Variants in GNPAT observed in about 807,000 individuals in gnomAD.
GNPAT encodes dihydroxyacetone phosphate acyltransferase.
Under a neutral mutation model 78.4 loss-of-function variants are expected in GNPAT, and 30 were observed. That is an observed-to-expected ratio of 0.38 (90% CI 0.29 to 0.52). The LOEUF (loss-of-function observed/expected upper bound fraction) is 0.52. GNPAT is among the 20% of genes least tolerant of loss of function. The pLI is 0.84. For synonymous variants in GNPAT, 271 were observed against 281.1 expected (o/e 0.96, Z 0.36); for missense variants, 714 against 812.2 (o/e 0.88, Z 1.47).
At chr1:231,275,898 T>C (rs1164940423) in intron 14 of GNPAT, among the ~76,000 whole-genome samples, 1 of 152,186 alleles carries the variant, frequency 6.6e-6, no homozygotes, top group East Asian at 1.9e-4. Context: ...AGTGGTTGAA[T>C]TTAACAGTGA....
chr1:231,269,856 T>TA (rs1310824204), intron 9 of GNPAT: 1 of 152,238 alleles, frequency 6.6e-6, no homozygotes, highest in Non-Finnish European at 1.5e-5. Flanking sequence ...TTTCTTTTTT[T>TA]ATGCAGATTA....
chr1:231,244,851 A>G lies in GNPAT; in HGVS notation c.78+3395A>G, dbSNP rs149861171. 3.3e-5 allele frequency among the ~76,000 whole-genome samples: 5 copies of G among 152,354 alleles called. No homozygotes were observed. In the East Asian group the frequency reaches 7.7e-4, roughly 24 times the overall value. ...GAGGATGGGTAACCACTGGTGTGCC[A>G]TAATCCAGATGATGACTTCCTGTTA... On this transcript the variant is annotated intron_variant, in intron 1 of 15. Transcript: ENST00000366647.
chr1:231,274,743 TAACTC>T (rs1685663418), intron 12 of GNPAT, among the ~76,000 whole-genome samples: 1 of 152,164 alleles, frequency 6.6e-6, no homozygotes. Context: ...GTCCGTGAAA[TAACTC>T]ATTCAGCCTC....
At chr1:231,276,994 TG>T (rs994620603) in intron 15 of GNPAT, among the ~76,000 whole-genome samples, 2 of 152,052 alleles carry the variant, frequency 1.3e-5, no homozygotes, top group Non-Finnish European at 2.9e-5. Flanking sequence ...AAGACCAGAA[TG>T]GGGCATACGG....
intron 4 of GNPAT, among the ~76,000 whole-genome samples, chr1:231,264,292 A>G (rs1164214824): frequency 6.6e-6 from 1 of 152,240 alleles, no homozygotes; most frequent in Non-Finnish European, 1.5e-5. Flanking sequence ...TTAAGGGTCC[A>G]ACTTCATGTC....
At chr1:231,270,305 G>GGTGTGTGTGCATGT (rs1471489872) in intron 9 of GNPAT, among the ~76,000 whole-genome samples, 1 of 152,034 alleles carries the variant, frequency 6.6e-6, no homozygotes, top group Non-Finnish European at 1.5e-5. Context: ...CTAAGCAAGG[G>GGTGTGTGTGCATGT]GTGTGTGTGC....
chr1:231,266,255 C>G (rs1685382779), intron 7 of GNPAT, 22 bp from the exon 8 acceptor site: 9 of 1,613,810 alleles, frequency 5.6e-6, no homozygotes, highest in African/African-American at 1.3e-5. Context: ...GTTTTCTTCC[C>G]CCCCTGTTAT....
intron 11 of GNPAT, among the ~76,000 whole-genome samples, chr1:231,273,044 ACC>A (rs1685610990): frequency 2.0e-5 from 3 of 152,136 alleles, no homozygotes; most frequent in Admixed American, 2.0e-4. Context: ...AGAATGAGTC[ACC>A]CAGGCAAGTG....
At chr1:231,270,203 GA>G in intron 9 of GNPAT, 1 of 162,578 alleles carries the variant, frequency 6.2e-6, no homozygotes, top group Non-Finnish European at 1.4e-5. Flanking sequence ...TATGTCAGGT[GA>G]TAAGCTACCA....
At chr1:231,243,612 C>G (rs1276871325) in intron 1 of GNPAT, among the ~76,000 whole-genome samples, 6 of 152,262 alleles carry the variant, frequency 3.9e-5, no homozygotes, top group Admixed American at 3.9e-4. Context: ...GCCACTGTGC[C>G]TGGCATGAGC....
At chr1:231,276,287 A>T (rs1685713023) in intron 15 of GNPAT, 91 bp downstream of exon 15, 2 of 721,026 alleles carry the variant, frequency 2.8e-6, no homozygotes, top group African/African-American at 1.8e-5. Context: ...CTTTATCAAA[A>T]TGATCAGTAA....
At chr1:231,256,479 CTTTTTTT>C (rs10693276) in intron 2 of GNPAT, among the ~76,000 whole-genome samples, 19 of 75,920 alleles carry the variant, frequency 2.5e-4, no homozygotes, top group East Asian at 1.8e-3. Context: ...CTAATTTTCT[CTTTTTTT>C]TTTTTTTTTT....
rs375611364 is a variant in GNPAT at position 231,266,383 on chromosome 1, G to A, written c.1031G>A (p.Arg344Gln). 175 of 1,613,730 alleles carry A rather than the reference G, an allele frequency of 1.1e-4. No individual in the cohort carries two copies. Among genetic ancestry groups the A allele is most frequent in the South Asian group, 8.8e-4 (80 of 91,068 alleles). The change falls in exon 8 of 16, where the codon CGG becomes CAG. Residue 344 changes from arginine (R) to glutamine (Q), a missense_variant. Coordinates refer to ENST00000366647, the MANE Select transcript of GNPAT (RefSeq NM_014236.4). ...TCTTTGGCAGCTGGGAGGATGAGTCGGAGCTCATATAACTTGGTTCCAAGG... is the reference window on the plus strand; with the variant it reads ...TCTTTGGCAGCTGGGAGGATGAGTCAGAGCTCATATAACTTGGTTCCAAGG... ...LRSLAAGRMS[R>Q]SSYNLVPRYI...
intron 1 of GNPAT, among the ~76,000 whole-genome samples, chr1:231,245,288 A>G (rs574851097): frequency 1.4e-4 from 21 of 152,268 alleles, no homozygotes; most frequent in African/African-American, 4.1e-4. Context: ...TCTGTCACCT[A>G]GAGTGGAGTG....
In GNPAT at chr1:231,272,400, CT is replaced by C; in HGVS notation, c.1602+11del. On this transcript the variant is annotated intron_variant, in intron 11 of 15. Coordinates refer to ENST00000366647, the MANE Select transcript of GNPAT (RefSeq NM_014236.4). The stretch of plus-strand genomic sequence containing the variant: ...CAGGAAACACACTAAAGGTAAAGTG[CT>C]TACAACAAAGAGCAAGTATGTTTGC... The C allele has an allele frequency of 1.4e-6, 2 of 1,439,042 alleles. No individual in the cohort carries two copies. Among genetic ancestry groups the C allele is most frequent in the Non-Finnish European group, 2.0e-6 (2 of 1,021,936 alleles). The allele number at this position is 1,439,042 out of a possible 1,614,324, so 89.1% of individuals were successfully genotyped here.
chr1:231,251,258 C>A, intron 2 of GNPAT, 115 bp downstream of exon 2: 1 of 661,404 alleles, frequency 1.5e-6, no homozygotes, highest in Non-Finnish European at 2.7e-6. Flanking sequence ...GTATTCATCA[C>A]ATTTATCAAA....
intron 2 of GNPAT, among the ~76,000 whole-genome samples, chr1:231,256,479 C>CTCT (rs576794638): frequency 1.3e-5 from 1 of 75,904 alleles, no homozygotes; most frequent in East Asian, 4.5e-4. Context: ...CTAATTTTCT[C>CTCT]TTTTTTTTTT....
chr1:231,271,322 T>C (rs578242198), intron 10 of GNPAT, among the ~76,000 whole-genome samples: 35 of 152,372 alleles, frequency 2.3e-4, no homozygotes, highest in Non-Finnish European at 3.8e-4. Flanking sequence ...GTTTTGGCTG[T>C]GCCAGCTCCC....
chr1:231,256,479 CTTTTTTTTTT>C (rs10693276), intron 2 of GNPAT, among the ~76,000 whole-genome samples: 4 of 75,902 alleles, frequency 5.3e-5, no homozygotes, highest in African/African-American at 5.6e-5. Flanking sequence ...CTAATTTTCT[CTTTTTTTTTT>C]TTTTTTTTTT....
Sources: allele counts gnomAD v4.1 joint callset (sites outside exome capture counted in the v4.1 genomes callset), GRCh38; gene constraint gnomAD v4.1.1; transcripts MANE v1.5; gene names NCBI Gene and HGNC (gene_info 2026-07-23, HGNC 2026-07-21).